The following RPL12 variants were observed in gnomAD, a reference collection of about 807,000 sequenced individuals.
The protein encoded by RPL12 is ribosomal protein L12, also known as large ribosomal subunit protein uL11.
In RPL12, 10 loss-of-function variants were observed where a neutral mutation model predicts 24.5. The ratio of observed to expected loss-of-function variants is 0.41; its 90% CI spans 0.25 to 0.69. RPL12 has a LOEUF of 0.69. RPL12 is among the 30% of genes least tolerant of loss of function. The pLI, the probability that RPL12 is intolerant of heterozygous loss-of-function variation, is 0.33. For missense variants in RPL12, 137 were observed against 205.3 expected, an observed-to-expected ratio of 0.67 and a Z score of 2.03; for synonymous variants, 74 against 76.1, an observed-to-expected ratio of 0.97 and a Z score of 0.14.
intron 2 of RPL12, chr9:127,450,140 G>C (rs989670936): frequency 5.4e-6 from 1 of 185,512 alleles, no homozygotes; most frequent in African/African-American, 2.4e-5. Flanking sequence ...GCCAGCTAAC[G>C]GCCAAGGAAG....
chr9:127,448,097 GT>G, intron 5 of RPL12, 108 bp from the exon 6 acceptor site: 1 of 1,321,568 alleles, frequency 7.6e-7, no homozygotes, highest in Non-Finnish European at 1.0e-6. Flanking sequence ...AAGGAATGAG[GT>G]TCCTGCTCCC....
chr9:127,450,721 G>A lies in RPL12; in HGVS notation c.111+10C>T, dbSNP rs770913245. On this transcript the variant is annotated intron_variant, in intron 2 of 6. Coordinates refer to ENST00000361436, the MANE Select transcript of RPL12 (RefSeq NM_000976.4). ...TGTGAAAAAAATGCCCCTTGGAGGG[G>A]ATAACGTACCAGACCCAGGGGGCCG... 1.3e-6 allele frequency: 2 copies of A among 1,571,970 alleles called. No individual in the cohort carries two copies. The highest frequency in any genetic ancestry group is 1.4e-5 in the African/African-American group (1 of 73,556).
intron 2 of RPL12, 45 bp downstream of exon 2, chr9:127,450,686 G>A (rs1834279108): frequency 1.4e-6 from 2 of 1,441,272 alleles, no homozygotes; most frequent in East Asian, 5.1e-5. Flanking sequence ...GGCGCTTAAA[G>A]TGAAACAAAT....
intron 5 of RPL12, 45 bp downstream of exon 5, chr9:127,448,292 A>G (rs1483551562): frequency 6.8e-7 from 1 of 1,463,446 alleles, no homozygotes; most frequent in Admixed American, 1.7e-5. Context: ...ACTCAGTGAA[A>G]AACACAACTA....
intron 2 of RPL12, 169 bp from the exon 3 acceptor site, chr9:127,449,877 TTGTCCAGAAC>T (rs1416473985): frequency 3.2e-6 from 2 of 627,600 alleles, no homozygotes; most frequent in Non-Finnish European, 5.7e-6. Context: ...GTTGGGGTTC[TTGTCCAGAAC>T]TGTAAACTGC....
At position 127,448,321 on chromosome 9, in the gene RPL12, G is replaced by A; in HGVS notation, c.379+16C>T. 6.3e-7 allele frequency: 1 copy of A among 1,587,216 alleles called. No individual in the cohort carries two copies. The highest frequency in any genetic ancestry group is 8.7e-7 in the Non-Finnish European group (1 of 1,155,674). ...ACAACTACAGTTATGGCGGTTACAT[G>A]TTGTCCTGCTCTTACCAGAGAGTTC... On this transcript the variant is annotated intron_variant, in intron 5 of 6. Coordinates refer to ENST00000361436, the MANE Select transcript of RPL12 (RefSeq NM_000976.4).
chr9:127,448,331 T>C lies in RPL12; in HGVS notation c.379+6A>G. 6.2e-7 allele frequency: 1 copy of C among 1,604,662 alleles called. No homozygotes were observed. The highest frequency in any genetic ancestry group is 8.5e-7 in the Non-Finnish European group (1 of 1,171,424). On this transcript the variant is annotated splice_donor_region_variant and intron_variant, in intron 5 of 6. Transcript: ENST00000361436. ...TTATGGCGGTTACATGTTGTCCTGC[T>C]CTTACCAGAGAGTTCTCTGGCTAAG... is the stretch of plus-strand genomic sequence containing the variant.
In RPL12 at chr9:127,447,973, G is replaced by C. The variant is rs141444874; in HGVS notation, c.396C>G (p.Ile132Met). ...ARELSGTIKE[I>M]LGTAQSVGCN... The stretch of plus-strand genomic sequence containing the variant: ...AGCCCACTGACTGGGCAGTCCCCAG[G>C]ATCTCTTTAATGGTTCCTTTAAGTA... Residue 132 changes from isoleucine (I) to methionine (M), a missense_variant, in exon 6 of 7, where the codon ATC becomes ATG. Ile to Met is a conservative substitution (Grantham distance 10). Transcript: ENST00000361436. The C allele has an allele frequency of 1.9e-5, 31 of 1,611,110 alleles. No individual in the cohort carries two copies. Among genetic ancestry groups the C allele is most frequent in the Non-Finnish European group, 2.5e-5 (29 of 1,179,132 alleles).
chr9:127,448,311 G>A lies in RPL12; in HGVS notation c.379+26C>T, dbSNP rs761899005. The A allele has an allele frequency of 7.8e-6, 12 of 1,541,814 alleles. No individual in the cohort carries two copies. In the East Asian group the frequency reaches 1.1e-4, roughly 14 times the overall value. The stretch of plus-strand genomic sequence containing the variant: ...AGTGAAAAACACAACTACAGTTATG[G>A]CGGTTACATGTTGTCCTGCTCTTAC... On this transcript the variant is annotated intron_variant, in intron 5 of 6. Coordinates refer to ENST00000361436, the MANE Select transcript of RPL12 (RefSeq NM_000976.4).
intron 6 of RPL12, 57 bp from the exon 7 acceptor site, chr9:127,447,783 C>A: frequency 1.2e-6 from 2 of 1,612,924 alleles, no homozygotes; most frequent in East Asian, 2.2e-5. Context: ...CCCACCCCAC[C>A]AGTAACCATT....
In RPL12 at chr9:127,450,788, G is replaced by A. The variant is rs371865387; in HGVS notation, c.54C>T (p.Thr18=). The A allele has an allele frequency of 1.1e-5, 17 of 1,576,640 alleles. No individual in the cohort carries two copies. Among genetic ancestry groups the A allele is most frequent in the Middle Eastern group, 3.8e-4 (2 of 5,206 alleles). ...CAGAAGTGGCACCGACTTCACCTCC[G>A]GTGCACCTCAGGTATACTGGGGGAA... ...NEIKVVYLRC[T]GGEVGATSAL... is the part of the protein sequence containing the mutation. The change falls in exon 2 of 7, where the codon ACC becomes ACT. Residue 18 remains threonine (T), a synonymous_variant. Transcript: ENST00000361436.
At chr9:127,450,688 G>C (rs951127569) in intron 2 of RPL12, 43 bp downstream of exon 2, 9 of 1,451,498 alleles carry the variant, frequency 6.2e-6, no homozygotes, top group Non-Finnish European at 8.4e-6. Context: ...CGCTTAAAGT[G>C]AAACAAATGT....
At chr9:127,448,131 A>G in intron 5 of RPL12, 142 bp from the exon 6 acceptor site, 4 of 1,154,764 alleles carry the variant, frequency 3.5e-6, no homozygotes, top group Non-Finnish European at 4.9e-6. Flanking sequence ...ATAGAGTTCC[A>G]TCTAGTTCCA....
At position 127,449,322 on chromosome 9, in the gene RPL12, G is replaced by A; in HGVS notation, c.251C>T (p.Ala84Val). 1.2e-6 allele frequency: 2 copies of A among 1,611,620 alleles called. No individual in the cohort carries two copies. The highest frequency in any genetic ancestry group is 1.7e-6 in the Non-Finnish European group (2 of 1,179,976). The change falls in exon 4 of 7, where the codon GCC becomes GTC. Residue 84 changes from alanine to valine, a missense_variant. Ala to Val is a moderately conservative substitution (Grantham distance 64). This residue lies in a region of RPL12 where 118 missense variants were observed against 160.7 expected (regional missense o/e 0.73). Coordinates refer to ENST00000361436, the MANE Select transcript of RPL12 (RefSeq NM_000976.4). ...TCTGTCTCTTGGTGGTTCCTTGAGG[G>A]CTTTGATGATCAGGGCAGAGGCAGA... Reference protein sequence around the residue: ...VPSASALIIKALKEPPRDRKK... With the variant: ...VPSASALIIKVLKEPPRDRKK...
At position 127,450,729 on chromosome 9, in the gene RPL12, A is replaced by G; in HGVS notation, c.111+2T>C. ...AAATGCCCCTTGGAGGGGATAACGT[A>G]CCAGACCCAGGGGGCCGATCTTGGG... is the stretch of plus-strand genomic sequence containing the variant. On this transcript the variant is annotated splice_donor_variant, in intron 2 of 6. Coordinates refer to ENST00000361436, the MANE Select transcript of RPL12 (RefSeq NM_000976.4). LOFTEE classifies it high-confidence loss of function. The G allele has an allele frequency of 2.5e-6, 4 of 1,577,730 alleles. No individual in the cohort carries two copies. Among genetic ancestry groups the G allele is most frequent in the Non-Finnish European group, 3.4e-6 (4 of 1,163,268 alleles).
chr9:127,447,913 G>A lies in RPL12; in HGVS notation c.456C>T (p.Ile152=), dbSNP rs746195875. 3.2e-5 allele frequency: 51 copies of A among 1,613,596 alleles called. No individual in the cohort carries two copies. In the Middle Eastern group the frequency reaches 4.9e-4, roughly 16 times the overall value. The change falls in exon 6 of 7, where the codon ATC becomes ATT. Residue 152 remains isoleucine, a synonymous_variant. Coordinates refer to ENST00000361436, the MANE Select transcript of RPL12 (RefSeq NM_000976.4). ...NVDGRHPHDI[I]DDINSGAVEC... ...CCACAGCACCACTGTTGATGTCATC[G>A]ATGATGTCATGAGGATGGCGGCCAT...
At chr9:127,447,787 A>T (rs1834197486) in intron 6 of RPL12, 61 bp from the exon 7 acceptor site, 1 of 1,612,610 alleles carries the variant, frequency 6.2e-7, no homozygotes. Context: ...CCCCACCAGT[A>T]ACCATTTCCA....
intron 2 of RPL12, chr9:127,449,922 A>C: frequency 1.8e-6 from 1 of 544,384 alleles, no homozygotes; most frequent in Non-Finnish European, 3.3e-6. Context: ...TGTAACCTAG[A>C]CCCCCTCCTA....
rs906910266 is a variant in RPL12, at chr9:127,451,388, C to T, written c.-71G>A. ...AAGGAAGTTGCACCTTGGCCTCCTCCGAGCCGAAAGCCGAGAGGCCGGAAA... is the reference window on the plus strand; with the variant it reads ...AAGGAAGTTGCACCTTGGCCTCCTCTGAGCCGAAAGCCGAGAGGCCGGAAA... On this transcript the variant is annotated 5_prime_UTR_variant, in exon 1 of 7. Transcript: ENST00000361436. 2.5e-6 allele frequency: 4 copies of T among 1,590,450 alleles called. No homozygotes were observed. In the East Asian group the frequency reaches 6.8e-5, roughly 27 times the overall value.
Sources: gnomAD v4.1 joint callset for allele counts on GRCh38, gnomAD v4.1.1 for gene constraint, gnomAD v4.1.1 regional missense constraint, MANE v1.5 for transcripts, NCBI Gene and HGNC (gene_info 2026-07-23, HGNC 2026-07-21) for gene names.